The following BMP6 variants were observed in gnomAD, a reference collection of about 807,000 sequenced individuals.
BMP6 encodes VG-1-R.
Under a neutral mutation model 54.1 loss-of-function variants are expected in BMP6, and 17 were observed. The observed-to-expected ratio is 0.31, with a 90% CI of 0.22 to 0.47. The LOEUF is 0.47. BMP6 is among the 20% of genes least tolerant of loss of function. The pLI, the probability that BMP6 is intolerant of heterozygous loss-of-function variation, is 1.00. For missense variants in BMP6, 720 were observed against 690.4 expected (o/e 1.04, Z -0.48); for synonymous variants, 328 against 291.2 (o/e 1.13, Z -1.28).
chr6:7,869,216 C>T (rs755458476), intron 4 of BMP6, among the ~76,000 whole-genome samples: 1 of 152,246 alleles, frequency 6.6e-6, no homozygotes. Context: ...TGCGCCCTTC[C>T]CTTCTCCTCT....
intron 4 of BMP6, among the ~76,000 whole-genome samples, chr6:7,870,540 T>C (rs1759507442): frequency 6.6e-6 from 1 of 152,174 alleles, no homozygotes; most frequent in Admixed American, 6.5e-5. Context: ...TCTGCCACCT[T>C]CTTTTCCACT....
intron 1 of BMP6, among the ~76,000 whole-genome samples, chr6:7,788,032 T>TTTA (rs1196360557): frequency 1.3e-5 from 2 of 152,160 alleles, no homozygotes; most frequent in African/African-American, 4.8e-5. Flanking sequence ...TCACACCACA[T>TTTA]GTAATAAATG....
At chr6:7,854,418 C>G (rs1030995671) in intron 2 of BMP6, among the ~76,000 whole-genome samples, 20 of 152,086 alleles carry the variant, frequency 1.3e-4, no homozygotes, top group African/African-American at 4.8e-4. Context: ...TTTACTGTTT[C>G]ATTTCCCCAC....
chr6:7,803,059 G>C (rs1170475736), intron 1 of BMP6, among the ~76,000 whole-genome samples: 1 of 152,208 alleles, frequency 6.6e-6, no homozygotes, highest in African/African-American at 2.4e-5. Context: ...TTGAAGTTGT[G>C]ATGGGTGCTA....
Position 7,879,141 on chromosome 6 carries a change from G to C in BMP6, c.1272G>C (p.Leu424=). The C allele has an allele frequency of 5.0e-6, 8 of 1,613,996 alleles. No homozygotes were observed. The highest frequency in any genetic ancestry group is 6.8e-6 in the Non-Finnish European group (8 of 1,179,830). The change falls in exon 5 of 7, where the codon CTG becomes CTC. Residue 424 remains leucine (L), a synonymous_variant. Coordinates refer to ENST00000283147, the MANE Select transcript of BMP6 (RefSeq NM_001718.6). Reference sequence around the variant, plus strand: ...AGCTGTATGTGAGTTTCCAAGACCTGGGATGGCAGGTGAGTTCTCTGGACA... The same window carrying C: ...AGCTGTATGTGAGTTTCCAAGACCTCGGATGGCAGGTGAGTTCTCTGGACA... ...KHELYVSFQD[L]GWQDWIIAPK...
At chr6:7,862,558 GT>G in intron 4 of BMP6, 60 bp downstream of exon 4, 2 of 1,594,994 alleles carry the variant, frequency 1.3e-6, no homozygotes, top group Admixed American at 1.7e-5. Flanking sequence ...GAGAACAAAA[GT>G]TGTGTCCACA....
chr6:7,747,773 A>G (rs1442605202), intron 1 of BMP6, among the ~76,000 whole-genome samples: 2 of 151,882 alleles, frequency 1.3e-5, no homozygotes, highest in Non-Finnish European at 2.9e-5. Context: ...CAGCCTCCCC[A>G]GTAGCTGAGA....
intron 2 of BMP6, among the ~76,000 whole-genome samples, chr6:7,856,187 A>G (rs1473568092): frequency 1.3e-5 from 2 of 150,708 alleles, no homozygotes; most frequent in Non-Finnish European, 1.5e-5. Flanking sequence ...TTGTTACTCA[A>G]ATTTGTATGT....
intron 1 of BMP6, among the ~76,000 whole-genome samples, chr6:7,785,270 G>A (rs1034112386): frequency 1.8e-4 from 27 of 152,220 alleles, no homozygotes; most frequent in Non-Finnish European, 1.9e-4. Flanking sequence ...ATATTTTAAA[G>A]TGCAAGGAAT....
chr6:7,874,924 T>TA (rs1561798812), intron 4 of BMP6, among the ~76,000 whole-genome samples: 20 of 146,928 alleles, frequency 1.4e-4, no homozygotes, highest in South Asian at 6.5e-4. Context: ...ATAGGATATA[T>TA]GGAGATATAT....
intron 1 of BMP6, among the ~76,000 whole-genome samples, chr6:7,828,883 C>G (rs912856111): frequency 7.2e-5 from 11 of 152,218 alleles, no homozygotes; most frequent in African/African-American, 2.7e-4. Flanking sequence ...GGGCTCAGGC[C>G]AGCCTGGGCC....
intron 2 of BMP6, among the ~76,000 whole-genome samples, chr6:7,851,491 A>G (rs1262946399): frequency 1.3e-5 from 2 of 152,268 alleles, no homozygotes; most frequent in South Asian, 2.1e-4. Flanking sequence ...GTTTTTCTGC[A>G]TGGCCTTTTG....
In BMP6 at chr6:7,838,731, A is replaced by G. The variant is rs532945899; in HGVS notation, c.665-6409A>G. Among the ~76,000 whole-genome samples, 9 of 152,218 alleles carry G rather than the reference A, an allele frequency of 5.9e-5. 1 individual carries two copies. The East Asian group carries it at 1.7e-3, about 29-fold the overall frequency. ...GCCGAGGCGGGTGGATCACGAGGTC[A>G]GGAGATCGAGACCATCCTGGCTAAT... is the stretch of plus-strand genomic sequence containing the variant. On this transcript the variant is annotated intron_variant, in intron 1 of 6. Coordinates refer to ENST00000283147, the MANE Select transcript of BMP6 (RefSeq NM_001718.6).
intron 1 of BMP6, among the ~76,000 whole-genome samples, chr6:7,800,864 T>G (rs1758258560): frequency 7.8e-6 from 1 of 127,590 alleles, no homozygotes; most frequent in Non-Finnish European, 1.6e-5. Context: ...TCATTTGAAC[T>G]GGCTAGGGTT....
intron 1 of BMP6, among the ~76,000 whole-genome samples, chr6:7,758,234 C>T (rs535198972): frequency 6.6e-6 from 1 of 152,232 alleles, no homozygotes; most frequent in Non-Finnish European, 1.5e-5. Flanking sequence ...GCCCCAGCAT[C>T]TTTGTGAATT....
intron 1 of BMP6, among the ~76,000 whole-genome samples, chr6:7,828,510 G>A (rs951972929): frequency 6.6e-6 from 1 of 152,214 alleles, no homozygotes; most frequent in African/African-American, 2.4e-5. Flanking sequence ...TTAGAACTGA[G>A]GTCTTGGTTC....
intron 1 of BMP6, among the ~76,000 whole-genome samples, chr6:7,730,139 C>T (rs1421595947): frequency 6.6e-6 from 1 of 152,086 alleles, no homozygotes; most frequent in African/African-American, 2.4e-5. Flanking sequence ...ATTTAGTGAC[C>T]CTCCAAATTC....
At chr6:7,834,881 G>T (rs949096532) in intron 1 of BMP6, among the ~76,000 whole-genome samples, 2 of 152,116 alleles carry the variant, frequency 1.3e-5, no homozygotes, top group African/African-American at 4.8e-5. Flanking sequence ...ATTTTTGAAG[G>T]AAACTCTAAA....
chr6:7,862,976 G>T (rs900818975), intron 4 of BMP6, among the ~76,000 whole-genome samples: 2 of 152,038 alleles, frequency 1.3e-5, no homozygotes, highest in Non-Finnish European at 2.9e-5. Flanking sequence ...TCATTTAATG[G>T]AGAGGTTGAG....
Sources: gnomAD v4.1 joint callset for allele counts (sites outside exome capture counted in the v4.1 genomes callset) on GRCh38, gnomAD v4.1.1 for gene constraint, MANE v1.5 for transcripts, NCBI Gene and HGNC (gene_info 2026-07-23, HGNC 2026-07-21) for gene names.